Variants in PDLIM1 observed in about 807,000 individuals in gnomAD.
PDLIM1 encodes the protein PDZ and LIM domain protein 1.
Under a neutral mutation model 35.2 loss-of-function variants are expected in PDLIM1, and 25 were observed. The ratio of observed to expected loss-of-function variants is 0.71; its 90% CI spans 0.52 to 0.99. PDLIM1 has a LOEUF of 0.99. Among genes scored for constraint, PDLIM1 ranks in the 50% least tolerant of loss-of-function variants. The probability of loss-of-function intolerance (pLI) is 0.00; values close to 1 mark genes in which losing one functional copy is unlikely to be tolerated. For synonymous variants in PDLIM1, 152 were observed against 154.0 expected (o/e 0.99, Z 0.10); for missense variants, 363 against 415.3 (o/e 0.87, Z 1.09).
At chr10:95,257,138 A>G (rs1386663419) in intron 4 of PDLIM1, among the ~76,000 whole-genome samples, 1 of 151,920 alleles carries the variant, frequency 6.6e-6, no homozygotes, top group African/African-American at 2.4e-5. Context: ...TGACACCTGT[A>G]ATCTCAGCAC....
intron 3 of PDLIM1, among the ~76,000 whole-genome samples, chr10:95,264,951 T>C (rs1406977181): frequency 1.1e-5 from 1 of 91,868 alleles, no homozygotes; most frequent in East Asian, 2.0e-4. Context: ...ACAGCTTTTC[T>C]GATAGCCCAA....
At chr10:95,239,816 C>A (rs572469416) in intron 5 of PDLIM1, among the ~76,000 whole-genome samples, 1 of 151,900 alleles carries the variant, frequency 6.6e-6, no homozygotes, top group African/African-American at 2.4e-5. Flanking sequence ...AAAAATAACC[C>A]CATTAAAAAG....
At chr10:95,260,873 C>T (rs190588101) in intron 4 of PDLIM1, among the ~76,000 whole-genome samples, 90 of 152,322 alleles carry the variant, frequency 5.9e-4, no homozygotes, top group African/African-American at 2.1e-3. Flanking sequence ...GCTGGGCTCA[C>T]AGGAGAATCT....
intron 1 of PDLIM1, among the ~76,000 whole-genome samples, chr10:95,288,864 A>C (rs1291580932): frequency 6.6e-6 from 1 of 152,256 alleles, no homozygotes; most frequent in Non-Finnish European, 1.5e-5. Context: ...GAACACCTTG[A>C]GAATGGAGCT....
chr10:95,243,577 G>A (rs569104553), intron 5 of PDLIM1, among the ~76,000 whole-genome samples: 93 of 152,156 alleles, frequency 6.1e-4, no homozygotes, highest in African/African-American at 2.1e-3. Flanking sequence ...GGAACCCTGG[G>A]TAACCAGCCA....
chr10:95,238,528 C>T lies in PDLIM1; in HGVS notation c.803+40G>A. On this transcript the variant is annotated intron_variant, in intron 6 of 6. Coordinates refer to ENST00000329399, the MANE Select transcript of PDLIM1 (RefSeq NM_020992.4). ...TTCCACATTTTCATGGTTTACCCAACCTGCAGGGTCTGCAAAGGCTGTGGG... is the reference window on the plus strand; with the variant it reads ...TTCCACATTTTCATGGTTTACCCAATCTGCAGGGTCTGCAAAGGCTGTGGG... 2.4e-6 allele frequency: 3 copies of T among 1,245,950 alleles called. No homozygotes were observed. In the South Asian group the frequency reaches 3.6e-5, roughly 15 times the overall value. 77.2% of individuals were successfully genotyped at this position (1,245,950 alleles called of 1,614,324 possible). A position where few individuals can be genotyped will look rare whatever the true frequency, so the allele number is the denominator to read the frequency against.
At chr10:95,255,802 A>C (rs1564600393) in intron 4 of PDLIM1, among the ~76,000 whole-genome samples, 1 of 152,026 alleles carries the variant, frequency 6.6e-6, no homozygotes, top group African/African-American at 2.4e-5. Flanking sequence ...AAGTCAAAGA[A>C]ATAAAAGGCA....
chr10:95,261,220 C>T (rs1032013954), intron 4 of PDLIM1, among the ~76,000 whole-genome samples: 5 of 152,176 alleles, frequency 3.3e-5, no homozygotes, highest in Admixed American at 3.3e-4. Context: ...GAAAAATAGC[C>T]AAGGCCATAC....
Position 95,271,615 on chromosome 10 carries a change from C to T in PDLIM1, c.248+18G>A, listed in dbSNP as rs45580835. On this transcript the variant is annotated intron_variant, in intron 2 of 6. Transcript: ENST00000329399. ...TCTAGTCAATCAGAAATGAACAAAA[C>T]GTTTCCATAGGCTTCACCTGGCTAC... 4,589 of 1,582,126 alleles carry T rather than the reference C, an allele frequency of 2.9e-3. 7 individuals are homozygous for T. The highest frequency in any genetic ancestry group is 3.4e-3 in the Non-Finnish European group (3,923 of 1,170,554).
chr10:95,244,548 G>A (rs1458694448), intron 5 of PDLIM1, among the ~76,000 whole-genome samples: 1 of 152,162 alleles, frequency 6.6e-6, no homozygotes, highest in East Asian at 1.9e-4. Context: ...TGAATGACAG[G>A]ACCTCTCATC....
intron 5 of PDLIM1, among the ~76,000 whole-genome samples, chr10:95,241,556 A>G (rs1564596928): frequency 6.6e-6 from 1 of 152,178 alleles, no homozygotes; most frequent in Non-Finnish European, 1.5e-5. Flanking sequence ...TGAACATCCC[A>G]AAATACACAG....
chr10:95,270,909 C>T (rs749675993), intron 2 of PDLIM1, among the ~76,000 whole-genome samples: 2 of 151,450 alleles, frequency 1.3e-5, no homozygotes, highest in Non-Finnish European at 2.9e-5. Context: ...CGCTACCACA[C>T]CTGGCTAATT....
chr10:95,288,158 A>AT (rs1187428034), intron 1 of PDLIM1, among the ~76,000 whole-genome samples: 4 of 152,142 alleles, frequency 2.6e-5, no homozygotes, highest in African/African-American at 9.7e-5. Flanking sequence ...GTATTTTATG[A>AT]TTTTTTATTC....
At chr10:95,265,440 C>G (rs1412779018) in intron 3 of PDLIM1, among the ~76,000 whole-genome samples, 2 of 151,398 alleles carry the variant, frequency 1.3e-5, no homozygotes, top group African/African-American at 4.9e-5. Flanking sequence ...ACTAAAAATA[C>G]AAAAATTAGC....
chr10:95,271,271 T>C (rs900516519), intron 2 of PDLIM1, among the ~76,000 whole-genome samples: 4 of 151,406 alleles, frequency 2.6e-5, no homozygotes, highest in Non-Finnish European at 4.4e-5. Context: ...ACCCCATCTC[T>C]ACTAAAAATA....
intron 4 of PDLIM1, among the ~76,000 whole-genome samples, chr10:95,262,794 A>G (rs537315516): frequency 1.3e-5 from 2 of 152,302 alleles, no homozygotes; most frequent in South Asian, 4.1e-4. Context: ...TCATCCTCAA[A>G]GAGCCTGAGA....
rs190752388 is a variant in PDLIM1, at chr10:95,263,457, T to C, written c.533+407A>G. Among the ~76,000 whole-genome samples, 11 of 146,774 alleles carry C rather than the reference T, an allele frequency of 7.5e-5. No individual in the cohort carries two copies. In the Admixed American group the frequency reaches 7.7e-4, roughly 10 times the overall value. On this transcript the variant is annotated intron_variant, in intron 4 of 6. Transcript: ENST00000329399. ...CCTTGCTTAGTTCAGATGGTGGACA[T>C]AAGCACAGGCTACTCTAGATTCCCT...
intron 1 of PDLIM1, among the ~76,000 whole-genome samples, chr10:95,281,529 T>A (rs986744415): frequency 6.6e-6 from 1 of 152,170 alleles, no homozygotes; most frequent in African/African-American, 2.4e-5. Flanking sequence ...ATAGCACCAC[T>A]ACACTCCAGC....
chr10:95,277,988 T>C (rs983129271), intron 1 of PDLIM1, among the ~76,000 whole-genome samples: 1 of 152,234 alleles, frequency 6.6e-6, no homozygotes, highest in Non-Finnish European at 1.5e-5. Flanking sequence ...ACTACTATCA[T>C]ACAGAACTGG....
Sources: allele counts gnomAD v4.1 joint callset (sites outside exome capture counted in the v4.1 genomes callset), GRCh38; gene constraint gnomAD v4.1.1; transcripts MANE v1.5; gene names NCBI Gene and HGNC (gene_info 2026-07-23, HGNC 2026-07-21).